STMND1: variants seen among roughly 807,000 people sequenced by gnomAD.
STMND1 encodes the protein stathmin domain containing 1, also known as stathmin domain-containing protein 1.
A neutral mutation model predicts 23.0 loss-of-function variants in STMND1; 17 were observed. That is an observed-to-expected ratio of 0.74 (90% confidence interval 0.51 to 1.11). The LOEUF is 1.11. Among genes scored for constraint, STMND1 ranks in the 50% least tolerant of loss-of-function variants. The pLI is 0.00. For missense variants in STMND1, 305 were observed against 329.1 expected (o/e 0.93, Z 0.57); for synonymous variants, 114 against 119.9 (o/e 0.95, Z 0.32).
chr6:17,104,328 T>G (rs1760987429), intron 1 of STMND1, among the ~76,000 whole-genome samples: 1 of 152,196 alleles, frequency 6.6e-6, no homozygotes, highest in Admixed American at 6.5e-5. Flanking sequence ...TTCTTTTATT[T>G]TTTATTTATT....
intron 1 of STMND1, among the ~76,000 whole-genome samples, chr6:17,109,984 T>G (rs1761075926): frequency 6.6e-6 from 1 of 152,228 alleles, no homozygotes; most frequent in Non-Finnish European, 1.5e-5. Flanking sequence ...CTTCAGTGCC[T>G]TCCACTGTCT....
At chr6:17,111,764 T>C (rs2113478527) in intron 1 of STMND1, among the ~76,000 whole-genome samples, 1 of 152,282 alleles carries the variant, frequency 6.6e-6, no homozygotes, top group African/African-American at 2.4e-5. Context: ...CAGAATACCA[T>C]GGAAGGGGTA....
intron 1 of STMND1, among the ~76,000 whole-genome samples, chr6:17,105,302 G>T (rs1761008137): frequency 6.6e-6 from 1 of 152,200 alleles, no homozygotes; most frequent in Admixed American, 6.5e-5. Flanking sequence ...TCATACCAAT[G>T]CCTGACGCAG....
At position 17,124,846 on chromosome 6, in the gene STMND1, A is replaced by C. The variant is rs1374825303; in HGVS notation, c.411+4088A>C. ...AACCCCATCTCTACCAAAAAAAAAA[A>C]AAATTAGCTGGGCATGGTGGTGTGC... On this transcript the variant is annotated intron_variant, in intron 3 of 4. Transcript: ENST00000536551. Among the ~76,000 whole-genome samples the C allele has an allele frequency of 3.3e-5, 5 of 151,910 alleles. No individual in the cohort carries two copies. The South Asian group carries it at 8.3e-4, about 25-fold the overall frequency.
In STMND1 at chr6:17,129,844, CA is replaced by C. The variant is rs1014326526; in HGVS notation, c.543+609del. ...GGGTGACAGAATGAGACCCCGTCTC[CA>C]AAAAAAAGAAAAAAAAAATTGTTTA... On this transcript the variant is annotated intron_variant, in intron 4 of 4. Coordinates refer to ENST00000536551, the MANE Select transcript of STMND1 (RefSeq NM_001190766.2). Among the ~76,000 whole-genome samples, 5 of 148,526 alleles carry C rather than the reference CA, an allele frequency of 3.4e-5. No homozygotes were observed. The East Asian group carries it at 6.0e-4, about 18-fold the overall frequency.
chr6:17,120,826 T>A, intron 3 of STMND1, 68 bp downstream of exon 3: 1 of 1,272,570 alleles, frequency 7.9e-7, no homozygotes, highest in Non-Finnish European at 1.1e-6. Flanking sequence ...TGATCATGAG[T>A]CATTATTTCC....
At chr6:17,117,014 A>T (rs1223304493) in intron 2 of STMND1, among the ~76,000 whole-genome samples, 1 of 152,182 alleles carries the variant, frequency 6.6e-6, no homozygotes. Context: ...CCTAAAAACA[A>T]GGATACTCTT....
At chr6:17,115,325 A>G (rs1455692323) in intron 2 of STMND1, among the ~76,000 whole-genome samples, 186 bp downstream of exon 2, 1 of 151,158 alleles carries the variant, frequency 6.6e-6, no homozygotes, top group Non-Finnish European at 1.5e-5. Flanking sequence ...TGAGTAAATA[A>G]TGCTAAGCAT....
intron 1 of STMND1, 34 bp from the exon 2 acceptor site, chr6:17,114,928 T>A (rs1364264676): frequency 2.0e-6 from 3 of 1,486,422 alleles, no homozygotes; most frequent in Non-Finnish European, 2.7e-6. Context: ...TACCAAGAAA[T>A]CTTGACTCTA....
At chr6:17,116,272 C>T (rs913662980) in intron 2 of STMND1, among the ~76,000 whole-genome samples, 9 of 152,140 alleles carry the variant, frequency 5.9e-5, no homozygotes, top group Admixed American at 5.2e-4. Flanking sequence ...GCCACCAAAG[C>T]AGATGTTCCT....
chr6:17,120,543 T>A, intron 2 of STMND1, 64 bp from the exon 3 acceptor site: 2 of 1,338,816 alleles, frequency 1.5e-6, no homozygotes, highest in Admixed American at 5.6e-5. Flanking sequence ...CCGTTTAGCA[T>A]TTGATTGAAA....
At chr6:17,121,676 T>C (rs1374761422) in intron 3 of STMND1, among the ~76,000 whole-genome samples, 1 of 152,172 alleles carries the variant, frequency 6.6e-6, no homozygotes, top group Non-Finnish European at 1.5e-5. Flanking sequence ...AAAACAAATA[T>C]GGCTATACAT....
At chr6:17,127,542 T>C (rs2113495012) in intron 3 of STMND1, among the ~76,000 whole-genome samples, 1 of 152,212 alleles carries the variant, frequency 6.6e-6, no homozygotes, top group East Asian at 1.9e-4. Flanking sequence ...AGGGCAAGAC[T>C]AGGTCTCAAC....
At chr6:17,111,664 T>C (rs1047208992) in intron 1 of STMND1, among the ~76,000 whole-genome samples, 6 of 152,206 alleles carry the variant, frequency 3.9e-5, no homozygotes, top group Admixed American at 3.9e-4. Context: ...TAATTTAGTA[T>C]GTAATTCTTT....
chr6:17,102,531 A>G (rs1760956860), intron 1 of STMND1, among the ~76,000 whole-genome samples, 193 bp downstream of exon 1: 4 of 152,180 alleles, frequency 2.6e-5, no homozygotes, highest in Admixed American at 1.3e-4. Context: ...CGGATGCATA[A>G]ATATCAAAAT....
At chr6:17,122,824 T>C (rs1177656699) in intron 3 of STMND1, among the ~76,000 whole-genome samples, 1 of 152,104 alleles carries the variant, frequency 6.6e-6, no homozygotes, top group East Asian at 1.9e-4. Context: ...GCTAGCATGA[T>C]ACAAGGCATT....
intron 2 of STMND1, among the ~76,000 whole-genome samples, chr6:17,116,771 C>A (rs1483197710): frequency 6.6e-6 from 1 of 152,150 alleles, no homozygotes; most frequent in South Asian, 2.1e-4. Flanking sequence ...AAGTTTCACA[C>A]TAACATTCCC....
intron 1 of STMND1, among the ~76,000 whole-genome samples, chr6:17,105,097 T>C (rs1451878965): frequency 6.6e-6 from 1 of 152,226 alleles, no homozygotes; most frequent in Non-Finnish European, 1.5e-5. Context: ...AATCTACAGA[T>C]GTTTAAAGTA....
In STMND1 at chr6:17,130,809, C is replaced by T. The variant is rs760258726; in HGVS notation, c.759C>T (p.Asn253=). The change falls in exon 5 of 5, where the codon AAC becomes AAT. Residue 253 remains asparagine (N), a synonymous_variant. Transcript: ENST00000536551. ...GTGATGCAACCTTGATTGATAGAAA[C>T]GAAAGTGATGAAAGTTTTGGGGTCG... ...SKCDATLIDR[N]ESDESFGVVE... is the part of the protein sequence containing the mutation. 1.1e-5 allele frequency: 17 copies of T among 1,535,926 alleles called. No homozygotes were observed. In the South Asian group the frequency reaches 1.3e-4, roughly 12 times the overall value.
Sources: allele counts gnomAD v4.1 joint callset (sites outside exome capture counted in the v4.1 genomes callset), GRCh38; gene constraint gnomAD v4.1.1; transcripts MANE v1.5; gene names NCBI Gene and HGNC (gene_info 2026-07-23, HGNC 2026-07-21).